Variants in CELF5 observed in about 807,000 individuals in gnomAD.
CELF5 encodes CUG-BP and ETR-3 like factor 5.
A neutral mutation model predicts 54.9 loss-of-function variants in CELF5; 6 were observed. The ratio of observed to expected loss-of-function variants is 0.11; its 90% CI spans 0.06 to 0.22. The LOEUF (loss-of-function observed/expected upper bound fraction) is 0.22, where lower values mean the gene tolerates loss of function less well. CELF5 is among the 10% of genes least tolerant of loss of function. The pLI is 1.00. For synonymous variants in CELF5, 271 were observed against 290.9 expected (o/e 0.93, Z 0.70); for missense variants, 401 against 678.6 (o/e 0.59, Z 4.54).
At chr19:3,258,527 C>T (rs2079763296) in intron 2 of CELF5, among the ~76,000 whole-genome samples, 1 of 152,204 alleles carries the variant, frequency 6.6e-6, no homozygotes, top group Non-Finnish European at 1.5e-5. Context: ...CATTTAATTA[C>T]ATCTGCAAAA....
intron 4 of CELF5, among the ~76,000 whole-genome samples, chr19:3,277,152 C>A (rs182695070): frequency 1.4e-4 from 21 of 152,266 alleles, no homozygotes; most frequent in Admixed American, 3.9e-4. Flanking sequence ...ATGTGTCTGA[C>A]GGTTTCAGAC....
chr19:3,273,192 T>A (rs1230404902), intron 2 of CELF5, among the ~76,000 whole-genome samples: 3 of 152,170 alleles, frequency 2.0e-5, no homozygotes, highest in African/African-American at 7.2e-5. Context: ...TTCTCGATTC[T>A]GCAAAGCTTG....
At chr19:3,263,471 G>A (rs2079834628) in intron 2 of CELF5, among the ~76,000 whole-genome samples, 1 of 151,946 alleles carries the variant, frequency 6.6e-6, no homozygotes, top group Non-Finnish European at 1.5e-5. Context: ...TGAGGCACAC[G>A]AATCGCTTGA....
At chr19:3,277,345 C>T (rs918375628) in intron 4 of CELF5, among the ~76,000 whole-genome samples, 1 of 152,034 alleles carries the variant, frequency 6.6e-6, no homozygotes, top group African/African-American at 2.4e-5. Flanking sequence ...TGGTGGCAGG[C>T]GCCTGTAATC....
At chr19:3,236,484 A>G (rs543271387) in intron 1 of CELF5, among the ~76,000 whole-genome samples, 14 of 152,268 alleles carry the variant, frequency 9.2e-5, no homozygotes, top group African/African-American at 3.1e-4. Flanking sequence ...AACTGAGTTA[A>G]AGACTAAGAA....
chr19:3,273,960 G>A (rs2080007045), intron 3 of CELF5, 37 bp downstream of exon 3: 2 of 1,598,868 alleles, frequency 1.3e-6, no homozygotes, highest in Non-Finnish European at 8.6e-7. Flanking sequence ...CTGGGGGTTG[G>A]CGGAGGAATG....
At chr19:3,273,094 A>G (rs2079992601) in intron 2 of CELF5, among the ~76,000 whole-genome samples, 1 of 152,076 alleles carries the variant, frequency 6.6e-6, no homozygotes, top group Non-Finnish European at 1.5e-5. Context: ...ACTCCACCCA[A>G]AGCTCCTGGG....
chr19:3,228,790 C>T lies in CELF5; in HGVS notation c.259+3792C>T, dbSNP rs773754362. ...GGAGAAGGCGGGCTGGGCGGCCTGG[C>T]GGGGGGACCGCGGGAGCAGTTGGCA... On this transcript the variant is annotated intron_variant, in intron 1 of 12. Transcript: ENST00000292672. The surrounding 1 kb of genome is among the most constrained non-coding windows in gnomAD (Gnocchi z 6.0). 8.9e-6 allele frequency among the ~76,000 whole-genome samples: 1 copy of T among 112,408 alleles called. No homozygotes were observed. 73.7% of individuals were successfully genotyped at this position (112,408 alleles called of 152,430 possible). A position where few individuals can be genotyped will look rare whatever the true frequency, so the allele number is the denominator to read the frequency against.
chr19:3,228,107 A>AAG lies in CELF5; in HGVS notation c.259+3129_259+3130dup, dbSNP rs528618840. On this transcript the variant is annotated intron_variant, in intron 1 of 12. Transcript: ENST00000292672. This position sits in a 1 kb window ranked among gnomAD's most constrained non-coding sequence, Gnocchi z 6.0. ...GCCCTGGGGCGCTGGGTTTGTTTTT[A>AAG]AGAGAGAGAGAGAGAGAGAGATGAG... Among the ~76,000 whole-genome samples, 108 of 149,254 alleles carry AAG rather than the reference A, an allele frequency of 7.2e-4. No individual in the cohort carries two copies. The highest frequency in any genetic ancestry group is 3.5e-3 in the Middle Eastern group (1 of 286).
intron 11 of CELF5, among the ~76,000 whole-genome samples, chr19:3,291,616 AG>A (rs2080349550): frequency 6.7e-6 from 1 of 150,132 alleles, no homozygotes; most frequent in Non-Finnish European, 1.5e-5. Flanking sequence ...GAGGAGCACC[AG>A]GCATGGGAAA....
chr19:3,256,846 G>C (rs187153146), intron 2 of CELF5, among the ~76,000 whole-genome samples: 1 of 151,320 alleles, frequency 6.6e-6, no homozygotes, highest in East Asian at 2.0e-4. Flanking sequence ...GGGATTACAG[G>C]CGTCAGCCAC....
chr19:3,269,727 G>A (rs971152873), intron 2 of CELF5, among the ~76,000 whole-genome samples: 2 of 152,186 alleles, frequency 1.3e-5, no homozygotes, highest in Non-Finnish European at 1.5e-5. Flanking sequence ...CCCTTGGTTG[G>A]AGGGATGTCT....
intron 12 of CELF5, chr19:3,294,377 C>T (rs982362153): frequency 6.6e-6 from 1 of 151,476 alleles, no homozygotes; most frequent in African/African-American, 2.4e-5. Context: ...CAGAACCCAT[C>T]ACCTAAAGAG....
At chr19:3,271,662 A>T (rs942539160) in intron 2 of CELF5, among the ~76,000 whole-genome samples, 1 of 152,038 alleles carries the variant, frequency 6.6e-6, no homozygotes, top group Non-Finnish European at 1.5e-5. Flanking sequence ...GGACCCAGAG[A>T]TGAGGAAGGG....
rs887656585 is a variant in CELF5, at chr19:3,224,808, C to T, written c.69C>T (p.Pro23=). The change falls in exon 1 of 13, where the codon CCC becomes CCT. Residue 23 remains proline (P), a synonymous_variant. Transcript: ENST00000292672. ...QQQLLQPRPS[P]VGSSGPEPPG... ...AGCTCCTGCAGCCGCGGCCCTCGCC[C>T]GTGGGCAGCAGCGGGCCCGAGCCCC... 14 of 1,548,526 alleles carry T rather than the reference C, an allele frequency of 9.0e-6. No individual in the cohort carries two copies. Among genetic ancestry groups the T allele is most frequent in the Non-Finnish European group, 1.2e-5 (14 of 1,148,252 alleles).
rs756621439 is a variant in CELF5, at chr19:3,282,488, G to A, written c.1029G>A (p.Val343=). The change falls in exon 8 of 13, where the codon GTG becomes GTA. Residue 343 remains valine (V), a synonymous_variant. Transcript: ENST00000292672. The surrounding 1 kb of genome is among the most constrained non-coding windows in gnomAD (Gnocchi z 5.2). ...ALETVYANGL[V]PYPAQSPTVA... Reference sequence around the variant, plus strand: ...AAACCGTCTATGCCAATGGCCTTGTGCCCTACCCAGGTAAATTGGGGTCGT... The same window carrying A: ...AAACCGTCTATGCCAATGGCCTTGTACCCTACCCAGGTAAATTGGGGTCGT... 1.2e-6 allele frequency: 2 copies of A among 1,612,274 alleles called. No homozygotes were observed. The highest frequency in any genetic ancestry group is 1.7e-6 in the Non-Finnish European group (2 of 1,179,362).
At chr19:3,296,032 AT>A (rs1326153956) in intron 12 of CELF5, 1 of 151,014 alleles carries the variant, frequency 6.6e-6, no homozygotes, top group African/African-American at 2.4e-5. Context: ...GACGAACTTG[AT>A]AATGACCTTC....
At chr19:3,289,003 T>G (rs943085821) in intron 10 of CELF5, among the ~76,000 whole-genome samples, 2 of 152,182 alleles carry the variant, frequency 1.3e-5, no homozygotes, top group African/African-American at 4.8e-5. Context: ...TTATTTATAG[T>G]TTTTATATTA....
chr19:3,275,971 C>A lies in CELF5; in HGVS notation c.510C>A (p.Asp170Glu). 1 of 1,443,032 alleles carries A rather than the reference C, an allele frequency of 6.9e-7. No individual in the cohort carries two copies. Among genetic ancestry groups the A allele is most frequent in the Non-Finnish European group, 9.3e-7 (1 of 1,075,968 alleles). 89.4% of individuals were successfully genotyped at this position (1,443,032 alleles called of 1,614,324 possible). A position where few individuals can be genotyped will look rare whatever the true frequency, so the allele number is the denominator to read the frequency against. The change falls in exon 4 of 13, where the codon GAC becomes GAA. Residue 170 changes from aspartate (D) to glutamate (E), a missense_variant. By Grantham distance (45) the Asp-to-Glu change is conservative. Around this residue, in one of 6 missense-constraint regions of CELF5, gnomAD observed 87 missense variants for 190.2 expected, o/e 0.46. Transcript: ENST00000292672. This position sits in a 1 kb window ranked among gnomAD's most constrained non-coding sequence, Gnocchi z 6.7. The part of the protein sequence containing the change: ...IDECTVLRGP[D>E]GSSKGCAFVK... ...AGTGCACCGTGCTCCGGGGGCCTGA[C>A]GGCAGCAGCAAAGGTGACTGGCGGG...
Sources: gnomAD v4.1 joint callset for allele counts (sites outside exome capture counted in the v4.1 genomes callset) on GRCh38, gnomAD v4.1.1 for gene constraint, gnomAD v4.1.1 regional missense constraint, Gnocchi (gnomAD v3.1) non-coding constraint, MANE v1.5 for transcripts, NCBI Gene and HGNC (gene_info 2026-07-23, HGNC 2026-07-21) for gene names.